CDC42SE2: variants seen among roughly 807,000 people sequenced by gnomAD.
The protein encoded by CDC42SE2 is CDC42 small effector protein 2.
CDC42SE2 carries 3 observed loss-of-function variants against 11.5 expected under a neutral mutation model. The ratio of observed to expected loss-of-function variants is 0.26; its 90% confidence interval spans 0.12 to 0.67. CDC42SE2 has a LOEUF of 0.67. Ranked by LOEUF, CDC42SE2 falls within the 30% of genes least tolerant of loss-of-function variation. The pLI, the probability that CDC42SE2 is intolerant of heterozygous loss-of-function variation, is 0.80. For missense variants in CDC42SE2, 82 were observed against 106.8 expected, an observed-to-expected ratio of 0.77 and a Z score of 1.02; for synonymous variants, 33 against 34.8, an observed-to-expected ratio of 0.95 and a Z score of 0.18.
At position 131,341,898 on chromosome 5, in the gene CDC42SE2, T is replaced by TA. The variant is rs1056198794; in HGVS notation, c.-285-17298dup. Among the ~76,000 whole-genome samples, 278 of 136,356 alleles carry TA rather than the reference T, an allele frequency of 2.0e-3. 2 individuals carry two copies. Among genetic ancestry groups the TA allele is most frequent in the South Asian group, 4.0e-3 (17 of 4,284 alleles). The allele number at this position is 136,356 out of a possible 152,430, so 89.5% of individuals were successfully genotyped here. On this transcript the variant is annotated intron_variant, in intron 2 of 4. Coordinates refer to ENST00000505065, the MANE Select transcript of CDC42SE2 (RefSeq NM_001375635.1). The stretch of plus-strand genomic sequence containing the variant: ...CAACAGAGCAAGACTCTTGTCTCAA[T>TA]AAAAAAAAAAAAAGATAGCTAATTA...
chr5:131,224,623 A>G, the CDC42SE2 span, among the ~76,000 whole-genome samples: 1 of 152,076 alleles, frequency 6.6e-6, no homozygotes, highest in African/African-American at 2.4e-5. Context: ...TAAACTCCAT[A>G]GTCCATTCTC....
intron 2 of CDC42SE2, among the ~76,000 whole-genome samples, chr5:131,352,509 T>C (rs1749372774): frequency 6.6e-6 from 1 of 152,158 alleles, no homozygotes; most frequent in Non-Finnish European, 1.5e-5. Flanking sequence ...TCATTTTAAA[T>C]ATAAGGAAAA....
At chr5:131,311,650 T>G (rs757174514) in intron 1 of CDC42SE2, among the ~76,000 whole-genome samples, 1 of 152,200 alleles carries the variant, frequency 6.6e-6, no homozygotes, top group Non-Finnish European at 1.5e-5. Flanking sequence ...TTCTTTTTAT[T>G]CTTTTTTCTC....
At chr5:131,273,870 C>T (rs914152478) in intron 1 of CDC42SE2, among the ~76,000 whole-genome samples, 6 of 152,046 alleles carry the variant, frequency 3.9e-5, no homozygotes, top group East Asian at 1.9e-4. Context: ...CTTGACCTCC[C>T]GGGCTCAGGT....
intron 1 of CDC42SE2, among the ~76,000 whole-genome samples, chr5:131,267,936 T>C (rs1277279109): frequency 6.6e-6 from 1 of 152,148 alleles, no homozygotes; most frequent in Non-Finnish European, 1.5e-5. Context: ...TGAAAAATAT[T>C]TTAACATTTT....
In CDC42SE2 at chr5:131,390,983, C is replaced by T; in HGVS notation, c.157-10C>T. 6.3e-7 allele frequency: 1 copy of T among 1,595,022 alleles called. No homozygotes were observed. Among genetic ancestry groups the T allele is most frequent in the East Asian group, 2.3e-5 (1 of 44,334 alleles). ...CCATTTTGTTTTGTTGTATTTTTGTCTTGTTTTAGGTTAGCTCCATTCAGA... is the reference window on the plus strand; with the variant it reads ...CCATTTTGTTTTGTTGTATTTTTGTTTTGTTTTAGGTTAGCTCCATTCAGA... On this transcript the variant is annotated splice_polypyrimidine_tract_variant and intron_variant, in intron 4 of 4. Transcript: ENST00000505065.
the CDC42SE2 span, among the ~76,000 whole-genome samples, chr5:131,222,738 A>G: frequency 1.3e-5 from 2 of 152,302 alleles, no homozygotes; most frequent in Admixed American, 6.5e-5. Flanking sequence ...TAACAGTGAG[A>G]TATGCATTGG....
At chr5:131,267,175 C>T (rs953260878) in intron 1 of CDC42SE2, among the ~76,000 whole-genome samples, 8 of 151,486 alleles carry the variant, frequency 5.3e-5, no homozygotes, top group African/African-American at 1.9e-4. Context: ...CTGCCTCAGC[C>T]TCCCAAGTAG....
chr5:131,278,093 C>A (rs545999685), intron 1 of CDC42SE2, among the ~76,000 whole-genome samples: 1 of 152,242 alleles, frequency 6.6e-6, no homozygotes, highest in South Asian at 2.1e-4. Context: ...CCTATCAATT[C>A]TTGTGCCTCA....
intron 2 of CDC42SE2, among the ~76,000 whole-genome samples, chr5:131,334,816 C>T (rs1248307459): frequency 6.6e-6 from 1 of 152,146 alleles, no homozygotes; most frequent in Non-Finnish European, 1.5e-5. Flanking sequence ...GTGATATCCC[C>T]TTTATCATTT....
rs576774124 is a variant in CDC42SE2 at position 131,288,830 on chromosome 5, A to G, written c.-455+24664A>G. On this transcript the variant is annotated intron_variant, in intron 1 of 4. Coordinates refer to ENST00000505065, the MANE Select transcript of CDC42SE2 (RefSeq NM_001375635.1). ...AACTGCTTTAGAGATGCTATTGACT[A>G]CTTTGGAGGAGCAAGGAATGAGGCT... 3.3e-4 allele frequency among the ~76,000 whole-genome samples: 50 copies of G among 152,308 alleles called. No individual in the cohort carries two copies. In the South Asian group the frequency reaches 0.01, roughly 31 times the overall value.
At chr5:131,264,276 G>A (rs1255934582) in intron 1 of CDC42SE2, 110 bp downstream of exon 1, 1 of 152,314 alleles carries the variant, frequency 6.6e-6, no homozygotes, top group East Asian at 1.9e-4. Flanking sequence ...GCTCTGGGGT[G>A]AGCGCGGCCC....
At chr5:131,319,200 GA>G (rs1397960670) in intron 2 of CDC42SE2, among the ~76,000 whole-genome samples, 2 of 152,002 alleles carry the variant, frequency 1.3e-5, no homozygotes, top group African/African-American at 4.8e-5. Flanking sequence ...TAAGGTAGGA[GA>G]AAGGTCGATA....
intron 2 of CDC42SE2, among the ~76,000 whole-genome samples, chr5:131,320,497 T>G (rs1249980802): frequency 4.6e-5 from 7 of 152,044 alleles, no homozygotes; most frequent in Admixed American, 4.6e-4. Flanking sequence ...ATCCCAGCAC[T>G]TTGGGAGGCC....
chr5:131,252,457 C>T (rs534454726), intron 1 of CDC42SE2, among the ~76,000 whole-genome samples: 1 of 152,268 alleles, frequency 6.6e-6, no homozygotes, highest in African/African-American at 2.4e-5. Flanking sequence ...AGTTCAAGAC[C>T]AGGCTGGCCT....
At chr5:131,227,032 A>G in the CDC42SE2 span, among the ~76,000 whole-genome samples, 3 of 152,234 alleles carry the variant, frequency 2.0e-5, no homozygotes. Context: ...AAAGAAGACC[A>G]ATGACCTGGT....
At chr5:131,260,709 G>A (rs879592132), upstream of CDC42SE2, among the ~76,000 whole-genome samples, 4 of 151,812 alleles carry the variant, frequency 2.6e-5, no homozygotes, top group Non-Finnish European at 5.9e-5. Context: ...CGAGGCAGGC[G>A]GATCCCCTGA....
intron 1 of CDC42SE2, among the ~76,000 whole-genome samples, chr5:131,272,077 C>G (rs1171784624): frequency 1.3e-5 from 2 of 152,180 alleles, no homozygotes; most frequent in Non-Finnish European, 2.9e-5. Context: ...GTGGCGCGAT[C>G]TTGGCTCACT....
chr5:131,243,569 G>A (rs912178939), upstream of CDC42SE2, among the ~76,000 whole-genome samples: 2 of 152,204 alleles, frequency 1.3e-5, no homozygotes, highest in African/African-American at 4.8e-5. Context: ...CTGGGTGACA[G>A]AGCGAGACTC....
Sources: gnomAD v4.1 joint callset for allele counts (sites outside exome capture counted in the v4.1 genomes callset) on GRCh38, gnomAD v4.1.1 for gene constraint, MANE v1.5 for transcripts, NCBI Gene and HGNC (gene_info 2026-07-23, HGNC 2026-07-21) for gene names.